The following KHDRBS2 variants were observed in gnomAD, a reference collection of about 807,000 sequenced individuals.
The protein encoded by KHDRBS2 is KH domain-containing, RNA-binding, signal transduction-associated protein 2.
Under a neutral mutation model 44.3 loss-of-function variants are expected in KHDRBS2, and 26 were observed. The ratio of observed to expected loss-of-function variants is 0.59; its 90% CI spans 0.43 to 0.81. The LOEUF is 0.81. KHDRBS2 is among the 40% of genes least tolerant of loss of function. The pLI is 0.00. For synonymous variants in KHDRBS2, 194 were observed against 151.1 expected, an observed-to-expected ratio of 1.28 and a Z score of -2.08; for missense variants, 476 against 433.1, an observed-to-expected ratio of 1.10 and a Z score of -0.88.
At chr6:61,598,364 A>C in the KHDRBS2 span, among the ~76,000 whole-genome samples, 3 of 144,926 alleles carry the variant, frequency 2.1e-5, no homozygotes, top group Non-Finnish European at 3.2e-5. Flanking sequence ...CCCAAGATTC[A>C]GACCATTCCC....
chr6:61,574,490 T>C, the KHDRBS2 span: 2 of 1,142,134 alleles, frequency 1.8e-6, no homozygotes, highest in Non-Finnish European at 2.4e-6. Context: ...CTACCAAACC[T>C]GCATTAAAAA....
intron 4 of KHDRBS2, among the ~76,000 whole-genome samples, chr6:61,975,645 A>G (rs1190586290): frequency 7.7e-6 from 1 of 129,208 alleles, no homozygotes; most frequent in Admixed American, 8.4e-5. Context: ...ATCAAAGATA[A>G]GCAAGATGCA....
intron 6 of KHDRBS2, among the ~76,000 whole-genome samples, chr6:61,797,953 T>C (rs548849777): frequency 2.0e-5 from 3 of 152,092 alleles, no homozygotes; most frequent in East Asian, 1.9e-4. Flanking sequence ...AGTATACAAA[T>C]GATTTTGTCA....
chr6:61,845,724 G>C (rs1466554231), intron 6 of KHDRBS2, among the ~76,000 whole-genome samples: 2 of 152,192 alleles, frequency 1.3e-5, no homozygotes, highest in Non-Finnish European at 1.5e-5. Context: ...GGTGAACGTG[G>C]AGAGAATAAA....
chr6:62,148,080 C>T (rs1437806956), intron 2 of KHDRBS2, among the ~76,000 whole-genome samples: 1 of 152,012 alleles, frequency 6.6e-6, no homozygotes, highest in Non-Finnish European at 1.5e-5. Context: ...ACAGAGCAGA[C>T]TGACTTCGTG....
intron 2 of KHDRBS2, among the ~76,000 whole-genome samples, chr6:62,077,673 C>T (rs1321501584): frequency 6.6e-6 from 1 of 151,972 alleles, no homozygotes; most frequent in African/African-American, 2.4e-5. Flanking sequence ...CACCTTTCTG[C>T]CTTTTGATTG....
At chr6:62,024,684 C>T (rs1202088969) in intron 3 of KHDRBS2, among the ~76,000 whole-genome samples, 3 of 151,492 alleles carry the variant, frequency 2.0e-5, no homozygotes, top group Non-Finnish European at 4.4e-5. Flanking sequence ...TTCTCTTTAT[C>T]ATTGTCTTGA....
intron 2 of KHDRBS2, among the ~76,000 whole-genome samples, chr6:62,079,259 T>C (rs756023074): frequency 2.0e-5 from 3 of 151,854 alleles, no homozygotes; most frequent in Non-Finnish European, 4.4e-5. Flanking sequence ...ATTAATCTAA[T>C]ACACAATTAT....
chr6:61,625,764 T>A, the KHDRBS2 span, among the ~76,000 whole-genome samples: 1 of 152,218 alleles, frequency 6.6e-6, no homozygotes, highest in Non-Finnish European at 1.5e-5. Flanking sequence ...AGTAATCACT[T>A]ACACATCTAA....
the KHDRBS2 span, among the ~76,000 whole-genome samples, chr6:61,592,809 C>T: frequency 6.6e-6 from 1 of 151,990 alleles, no homozygotes; most frequent in East Asian, 1.9e-4. Context: ...AAAACAAAAG[C>T]ATGGATTAGG....
At chr6:62,131,336 C>T (rs1052397503) in intron 2 of KHDRBS2, among the ~76,000 whole-genome samples, 2 of 152,118 alleles carry the variant, frequency 1.3e-5, no homozygotes, top group African/African-American at 4.8e-5. Flanking sequence ...CTTTTATTAG[C>T]AAGGATCTCA....
At chr6:61,622,373 C>T in the KHDRBS2 span, among the ~76,000 whole-genome samples, 4 of 152,202 alleles carry the variant, frequency 2.6e-5, no homozygotes, top group Non-Finnish European at 4.4e-5. Flanking sequence ...CATAACCTGG[C>T]TAGAAACATG....
intron 3 of KHDRBS2, among the ~76,000 whole-genome samples, chr6:62,011,961 ACATACACAAG>A (rs1780377425): frequency 6.6e-6 from 1 of 152,200 alleles, no homozygotes; most frequent in African/African-American, 2.4e-5. Flanking sequence ...GGGCATATTT[ACATACACAAG>A]AAAAAAGTGG....
chr6:61,690,389 C>T (rs1190970755), intron 8 of KHDRBS2, among the ~76,000 whole-genome samples: 4 of 151,942 alleles, frequency 2.6e-5, no homozygotes, highest in South Asian at 2.1e-4. Flanking sequence ...ACTCAACTCT[C>T]CCCTCCCTCT....
Position 61,911,656 on chromosome 6 carries a change from A to G in KHDRBS2, c.484-10285T>C, listed in dbSNP as rs1010748311. 5.6e-4 allele frequency among the ~76,000 whole-genome samples: 85 copies of G among 152,184 alleles called. No individual in the cohort carries two copies. In the Middle Eastern group the frequency reaches 0.01, roughly 18 times the overall value. Reference sequence around the variant, plus strand: ...ACATTTTTGTTTTAGAAAGAAGGACATTTGCTATATTTCTTCATGAGAAAA... The same window carrying G: ...ACATTTTTGTTTTAGAAAGAAGGACGTTTGCTATATTTCTTCATGAGAAAA... On this transcript the variant is annotated intron_variant, in intron 4 of 8. Coordinates refer to ENST00000281156, the MANE Select transcript of KHDRBS2 (RefSeq NM_152688.4).
the KHDRBS2 span, among the ~76,000 whole-genome samples, chr6:61,638,194 A>G: frequency 1.6e-4 from 24 of 152,072 alleles, no homozygotes; most frequent in African/African-American, 5.6e-4. Flanking sequence ...AGCCCGCATC[A>G]CCAAGTCAAT....
intron 6 of KHDRBS2, among the ~76,000 whole-genome samples, chr6:61,772,722 G>A (rs1199000344): frequency 5.3e-5 from 8 of 151,880 alleles, no homozygotes; most frequent in South Asian, 2.1e-4. Flanking sequence ...CATGTGCCAC[G>A]CTGGTGTGCT....
chr6:61,763,435 G>C (rs1779560812), intron 6 of KHDRBS2, among the ~76,000 whole-genome samples: 1 of 152,176 alleles, frequency 6.6e-6, no homozygotes, highest in African/African-American at 2.4e-5. Context: ...TCTGAACATA[G>C]ATGGAAGGGG....
At chr6:61,912,845 T>A (rs1235981466) in intron 4 of KHDRBS2, among the ~76,000 whole-genome samples, 1 of 152,164 alleles carries the variant, frequency 6.6e-6, no homozygotes, top group East Asian at 1.9e-4. Context: ...TTCTTAGCAA[T>A]CATGGGAATG....
Sources: allele counts gnomAD v4.1 joint callset (sites outside exome capture counted in the v4.1 genomes callset), GRCh38; gene constraint gnomAD v4.1.1; transcripts MANE v1.5; gene names NCBI Gene and HGNC (gene_info 2026-07-23, HGNC 2026-07-21).